PIP5K1C: variants seen among roughly 807,000 people sequenced by gnomAD.
PIP5K1C encodes the protein phosphatidylinositol 4-phosphate 5-kinase type-1 gamma.
Under a neutral mutation model 80.1 loss-of-function variants are expected in PIP5K1C, and 45 were observed. The ratio of observed to expected loss-of-function variants is 0.56; its 90% CI spans 0.44 to 0.72. PIP5K1C has a LOEUF of 0.72. Ranked by LOEUF, PIP5K1C falls within the 30% of genes least tolerant of loss-of-function variation. PIP5K1C has a pLI of 0.00. For synonymous variants in PIP5K1C, 498 were observed against 420.1 expected (o/e 1.19, Z -2.27); for missense variants, 753 against 954.6 (o/e 0.79, Z 2.78).
At chr19:3,672,954 G>C (rs1479440455) in intron 1 of PIP5K1C, among the ~76,000 whole-genome samples, 1 of 150,410 alleles carries the variant, frequency 6.6e-6, no homozygotes, top group Non-Finnish European at 1.5e-5. Context: ...GCTGGGGACT[G>C]GGGGGCTGGG....
intron 1 of PIP5K1C, among the ~76,000 whole-genome samples, chr19:3,668,719 G>C (rs1287352940): frequency 6.6e-6 from 1 of 152,232 alleles, no homozygotes; most frequent in Non-Finnish European, 1.5e-5. Context: ...ACGGTCAACA[G>C]GGGTGGGCGC....
At chr19:3,674,169 G>A (rs1475387830) in intron 1 of PIP5K1C, 4 of 152,180 alleles carry the variant, frequency 2.6e-5, no homozygotes, top group Admixed American at 1.3e-4. Context: ...AGTGTAGGAC[G>A]AGCTTGAATT....
At chr19:3,655,248 C>G (rs2034582960) in intron 6 of PIP5K1C, among the ~76,000 whole-genome samples, 1 of 151,506 alleles carries the variant, frequency 6.6e-6, no homozygotes, top group African/African-American at 2.4e-5. Flanking sequence ...GAAACCATGT[C>G]TCTACTAAAA....
At position 3,700,379 on chromosome 19, in the gene PIP5K1C, CT is replaced by C; in HGVS notation, c.11del (p.Glu4GlyfsTer43). 1 of 1,211,488 alleles carries C rather than the reference CT, an allele frequency of 8.3e-7. No homozygotes were observed. 75.0% of individuals were successfully genotyped at this position (1,211,488 alleles called of 1,614,324 possible). ...CAGCGCTCTCCGCCTCGTCCGGTAC[CT>C]CCAGCTCCATGGCCGCGCGCGGACG... is the stretch of plus-strand genomic sequence containing the variant. MEL[E>X]VPDEAESAEA... On this transcript the variant is annotated frameshift_variant, in exon 1 of 18. Coordinates refer to ENST00000335312, the MANE Select transcript of PIP5K1C (RefSeq NM_012398.3). LOFTEE classifies it high-confidence loss of function.
intron 1 of PIP5K1C, 61 bp downstream of exon 1, chr19:3,700,236 C>T (rs1443474629): frequency 3.0e-6 from 3 of 985,190 alleles, no homozygotes; most frequent in African/African-American, 3.5e-5. Context: ...CCCGCAGCCC[C>T]GCGACTCTCG....
intron 1 of PIP5K1C, among the ~76,000 whole-genome samples, chr19:3,667,723 G>A (rs778736967): frequency 4.6e-5 from 7 of 152,208 alleles, no homozygotes; most frequent in Admixed American, 6.5e-5. Flanking sequence ...AACCTCCCCC[G>A]GCTCTGACCC....
At chr19:3,664,672 C>A in intron 3 of PIP5K1C, 150 bp downstream of exon 3, 1 of 754,330 alleles carries the variant, frequency 1.3e-6, no homozygotes, top group South Asian at 1.4e-5. Context: ...ACTGAGGACT[C>A]CAGCCTCTGC....
chr19:3,692,013 AC>A lies in PIP5K1C; in HGVS notation c.94+8283del, dbSNP rs1266909091. Among the ~76,000 whole-genome samples the A allele has an allele frequency of 6.6e-6, 1 of 152,084 alleles. No homozygotes were observed. The highest frequency in any genetic ancestry group is 1.5e-5 in the Non-Finnish European group (1 of 67,998). ...CAGCCCCGCCCATGTCAGCGCATGC[AC>A]CGTGGCCAGTCCAAGCACCGCACGG... On this transcript the variant is annotated intron_variant, in intron 1 of 17. Coordinates refer to ENST00000335312, the MANE Select transcript of PIP5K1C (RefSeq NM_012398.3). This position sits in a 1 kb window ranked among gnomAD's most constrained non-coding sequence, Gnocchi z 5.2.
Position 3,632,972 on chromosome 19 carries a change from C to CG in PIP5K1C, c.*194_*195insC, listed in dbSNP as rs2033511427. The CG allele has an allele frequency of 1.9e-6, 1 of 529,888 alleles. No individual in the cohort carries two copies. The allele number at this position is 529,888 out of a possible 1,614,324, so 32.8% of individuals were successfully genotyped here. A position where few individuals can be genotyped will look rare whatever the true frequency, so the allele number is the denominator to read the frequency against. Reference sequence around the variant, plus strand: ...GGGTCTCACAGGGGCAGGCTGCCGACCGGGGTGCCGGGGCCCTGGGAGGCT... The same window carrying CG: ...GGGTCTCACAGGGGCAGGCTGCCGACGCGGGGTGCCGGGGCCCTGGGAGGCT... On this transcript the variant is annotated 3_prime_UTR_variant, in exon 18 of 18. Coordinates refer to ENST00000335312, the MANE Select transcript of PIP5K1C (RefSeq NM_012398.3).
At chr19:3,656,802 G>A (rs1167711399) in intron 5 of PIP5K1C, among the ~76,000 whole-genome samples, 1 of 152,218 alleles carries the variant, frequency 6.6e-6, no homozygotes, top group Non-Finnish European at 1.5e-5. Flanking sequence ...CAGGCTGCCT[G>A]CTGCTCTCCT....
rs2034521770 is a variant in PIP5K1C at position 3,653,482 on chromosome 19, G to A, written c.729C>T (p.Pro243=). 2 of 1,613,746 alleles carry A rather than the reference G, an allele frequency of 1.2e-6. No homozygotes were observed. The highest frequency in any genetic ancestry group is 1.7e-6 in the Non-Finnish European group (2 of 1,180,042). Residue 243 remains proline (P), a synonymous_variant, in exon 7 of 18, where the codon CCC becomes CCT. Coordinates refer to ENST00000335312, the MANE Select transcript of PIP5K1C (RefSeq NM_012398.3). ...ACTTGAGGTGCATCTTGACCACGCG[G>A]GGCAGGATGTTGTTCATGACCACGA... ...IRVVVMNNIL[P]RVVKMHLKFD...
chr19:3,679,611 G>A (rs985988176), intron 1 of PIP5K1C, among the ~76,000 whole-genome samples: 1 of 152,202 alleles, frequency 6.6e-6, no homozygotes, highest in African/African-American at 2.4e-5. Flanking sequence ...GGGGCAGGCG[G>A]GCTGGGCTGG....
chr19:3,636,812 C>A, intron 16 of PIP5K1C: 2 of 987,736 alleles, frequency 2.0e-6, no homozygotes, highest in Non-Finnish European at 2.4e-6. Context: ...TGGGTCTGCG[C>A]CCCGTTCTGG....
At chr19:3,661,180 T>G in intron 4 of PIP5K1C, 97 bp from the exon 5 acceptor site, 5 of 781,474 alleles carry the variant, frequency 6.4e-6, no homozygotes, top group East Asian at 2.5e-5. Context: ...CAGCTGAGCC[T>G]CTAGCGGCTC....
chr19:3,687,180 T>A (rs1027144482), intron 1 of PIP5K1C, among the ~76,000 whole-genome samples: 2 of 144,734 alleles, frequency 1.4e-5, no homozygotes, highest in Non-Finnish European at 3.0e-5. Flanking sequence ...GTGAAAAGAG[T>A]GAGACTCCGA....
At chr19:3,643,556 G>GT (rs1000550499) in intron 12 of PIP5K1C, among the ~76,000 whole-genome samples, 175 bp from the exon 13 acceptor site, 1 of 152,050 alleles carries the variant, frequency 6.6e-6, no homozygotes, top group African/African-American at 2.4e-5. Flanking sequence ...TCACACAAAG[G>GT]CTTCTGACCG....
intron 1 of PIP5K1C, among the ~76,000 whole-genome samples, chr19:3,697,544 G>A (rs1215909162): frequency 3.3e-5 from 5 of 152,168 alleles, no homozygotes; most frequent in East Asian, 1.9e-4. Context: ...AGCTGGACCC[G>A]GGAGAGGCAG....
chr19:3,646,062 G>C lies in PIP5K1C; in HGVS notation c.1261-4C>G, dbSNP rs760648389. ...GGCGGTGGACGGACACCGTGTCCTGGAAGAGAGTTGGGGGGGGTGCCCGGG... is the reference window on the plus strand; with the variant it reads ...GGCGGTGGACGGACACCGTGTCCTGCAAGAGAGTTGGGGGGGGTGCCCGGG... On this transcript the variant is annotated splice_polypyrimidine_tract_variant and splice_region_variant and intron_variant, in intron 10 of 17. Transcript: ENST00000335312. The C allele has an allele frequency of 6.9e-6, 11 of 1,605,548 alleles. No homozygotes were observed. Among genetic ancestry groups the C allele is most frequent in the African/African-American group, 6.7e-5 (5 of 74,804 alleles).
intron 3 of PIP5K1C, among the ~76,000 whole-genome samples, chr19:3,663,316 G>C (rs975216766): frequency 5.3e-5 from 8 of 152,244 alleles, no homozygotes; most frequent in African/African-American, 1.7e-4. Flanking sequence ...AGGTGGCAGG[G>C]AGGGAGGTCG....
Sources: gnomAD v4.1 joint callset for allele counts (sites outside exome capture counted in the v4.1 genomes callset) on GRCh38, gnomAD v4.1.1 for gene constraint, Gnocchi (gnomAD v3.1) non-coding constraint, MANE v1.5 for transcripts, NCBI Gene and HGNC (gene_info 2026-07-23, HGNC 2026-07-21) for gene names.